Variants in BBS1 observed in about 807,000 individuals in gnomAD.
BBS1 encodes the protein Bardet-Biedl syndrome 1.
Under a neutral mutation model 73.9 loss-of-function variants are expected in BBS1, and 60 were observed. The observed-to-expected ratio is 0.81, with a 90% CI of 0.66 to 1.01. The LOEUF (loss-of-function observed/expected upper bound fraction) is 1.01. BBS1 is among the 50% of genes least tolerant of loss of function. BBS1 has a pLI of 0.00. For missense variants in BBS1, 718 were observed against 770.3 expected (o/e 0.93, Z 0.80); for synonymous variants, 283 against 317.4 (o/e 0.89, Z 1.15).
At chr11:66,515,394 G>T in intron 4 of BBS1, 146 bp from the exon 5 acceptor site, 1 of 837,880 alleles carries the variant, frequency 1.2e-6, no homozygotes, top group South Asian at 1.4e-5. Context: ...GATAAAGGAC[G>T]TGAGCTTGGT....
chr11:66,530,489 A>G (rs373749886), intron 14 of BBS1, among the ~76,000 whole-genome samples: 5 of 152,174 alleles, frequency 3.3e-5, no homozygotes, highest in Admixed American at 2.0e-4. Flanking sequence ...TGACCCAACC[A>G]GGTTCTGAGT....
At chr11:66,519,490 C>T in intron 7 of BBS1, 127 bp from the exon 8 acceptor site, 1 of 1,338,784 alleles carries the variant, frequency 7.5e-7, no homozygotes, top group Non-Finnish European at 1.0e-6. Context: ...CTTAAATCTT[C>T]TGTCACATCT....
Position 66,531,665 on chromosome 11 carries a change from C to G in BBS1, c.1618C>G (p.Leu540Val). 2 of 1,614,136 alleles carry G rather than the reference C, an allele frequency of 1.2e-6. No homozygotes were observed. Among genetic ancestry groups the G allele is most frequent in the Non-Finnish European group, 1.7e-6 (2 of 1,180,018 alleles). ...TTGTCCCCAAACTTAGGTACCCTTG[C>G]TGGTGCCAGGGCTCAACTACCCCCT... ...LPRAFFKVPL[L>V]VPGLNYPLET... The change falls in exon 16 of 17, where the codon CTG (leucine) becomes GTG (valine). Residue 540 changes from leucine (L) to valine (V), a missense_variant. Transcript: ENST00000318312.
intron 11 of BBS1, among the ~76,000 whole-genome samples, chr11:66,524,746 A>T (rs1170063262): frequency 6.6e-6 from 1 of 152,184 alleles, no homozygotes; most frequent in African/African-American, 2.4e-5. Flanking sequence ...CAACATTTTT[A>T]AAAATAGAAT....
intron 13 of BBS1, chr11:66,527,140 A>G: frequency 2.3e-6 from 2 of 858,120 alleles, no homozygotes; most frequent in Non-Finnish European, 3.7e-6. Context: ...ACTTTGGCAG[A>G]GGTGGGAGGA....
chr11:66,514,804 G>A, intron 4 of BBS1, 126 bp downstream of exon 4: 1 of 1,098,818 alleles, frequency 9.1e-7, no homozygotes, highest in Non-Finnish European at 1.3e-6. Flanking sequence ...ATCTCTGACA[G>A]CAGCAGTGAT....
intron 13 of BBS1, among the ~76,000 whole-genome samples, chr11:66,527,311 GTTCA>G (rs1050415266): frequency 6.6e-6 from 1 of 151,686 alleles, no homozygotes; most frequent in African/African-American, 2.4e-5. Context: ...TTCATCGTTC[GTTCA>G]TTCATTCATT....
intron 3 of BBS1, among the ~76,000 whole-genome samples, chr11:66,512,032 G>A (rs112582037): frequency 2.4e-4 from 34 of 144,176 alleles, no homozygotes; most frequent in Non-Finnish European, 3.6e-4. Context: ...GTATATATAT[G>A]TATATATATG....
At chr11:66,521,670 C>A in intron 9 of BBS1, 1 of 386,144 alleles carries the variant, frequency 2.6e-6, no homozygotes, top group South Asian at 2.2e-5. Flanking sequence ...CTTTGGGAGG[C>A]CGAGGCAAGC....
chr11:66,526,081 TC>T, intron 11 of BBS1, 41 bp from the exon 12 acceptor site: 1 of 1,601,870 alleles, frequency 6.2e-7, no homozygotes, highest in Non-Finnish European at 8.6e-7. Flanking sequence ...TGCTTTCCTC[TC>T]CAAGATATTT....
At chr11:66,529,988 G>A (rs776877238) in intron 14 of BBS1, 36 bp downstream of exon 14, 17 of 1,581,866 alleles carry the variant, frequency 1.1e-5, no homozygotes, top group Middle Eastern at 3.3e-4. Flanking sequence ...CAGGGCCAGA[G>A]GGGCAGAGGC....
chr11:66,511,342 C>CAT lies in BBS1; in HGVS notation c.159+107_159+108dup, dbSNP rs1424852269. On this transcript the variant is annotated intron_variant, in intron 3 of 16. Transcript: ENST00000318312. ...TAGGCCCAGCATACTCTGGAATTCA[C>CAT]ATATACTGTGAAAAAGCACATTTAG... 3 of 1,375,218 alleles carry CAT rather than the reference C, an allele frequency of 2.2e-6. No homozygotes were observed. The Admixed American group carries it at 6.9e-5, about 32-fold the overall frequency. The allele number at this position is 1,375,218 out of a possible 1,614,324, so 85.2% of individuals were successfully genotyped here.
chr11:66,514,649 G>C lies in BBS1; in HGVS notation c.403G>C (p.Glu135Gln), dbSNP rs756740889. 2 of 1,612,908 alleles carry C rather than the reference G, an allele frequency of 1.2e-6. No individual in the cohort carries two copies. The highest frequency in any genetic ancestry group is 1.7e-6 in the Non-Finnish European group (2 of 1,180,022). ...GCCCCAATTGCCTCCAAATCCTCTG[G>C]AACAAGACCTTTGGAACCAGGCCAA... ...SLPQLPPNPL[E>Q]QDLWNQAKED... is the part of the protein sequence containing the mutation. Residue 135 changes from glutamate to glutamine, a missense_variant, in exon 4 of 17, where the codon GAA becomes CAA. By Grantham distance (29) the Glu-to-Gln change is conservative. Coordinates refer to ENST00000318312, the MANE Select transcript of BBS1 (RefSeq NM_024649.5).
intron 15 of BBS1, among the ~76,000 whole-genome samples, chr11:66,531,257 A>G (rs112490787): frequency 2.0e-5 from 3 of 152,282 alleles, no homozygotes; most frequent in African/African-American, 7.2e-5. Flanking sequence ...AGGGGTCTCC[A>G]CGAGCCATAC....
At chr11:66,529,337 A>T in intron 13 of BBS1, 3 of 1,534,750 alleles carry the variant, frequency 2.0e-6, no homozygotes. Flanking sequence ...CGCAGCATTG[A>T]GCCTGAGGTG....
At chr11:66,517,993 T>G (rs1856091184) in intron 7 of BBS1, among the ~76,000 whole-genome samples, 1 of 151,062 alleles carries the variant, frequency 6.6e-6, no homozygotes, top group Non-Finnish European at 1.5e-5. Flanking sequence ...GTTTTGCTCT[T>G]GTTGCCCAGG....
At position 66,526,943 on chromosome 11, in the gene BBS1, A is replaced by C. The variant is rs1590773458; in HGVS notation, c.1339+136A>C. ...ACTAGGTAGGTCACTCACCTCTGCA[A>C]ATCCAGGGACAGCCTAGGAGGTACA... On this transcript the variant is annotated intron_variant, in intron 13 of 16. Transcript: ENST00000318312. 36 of 1,588,632 alleles carry C rather than the reference A, an allele frequency of 2.3e-5. No homozygotes were observed. In the East Asian group the frequency reaches 8.2e-4, roughly 36 times the overall value.
chr11:66,523,735 G>A lies in BBS1; in HGVS notation c.963G>A (p.Leu321=), dbSNP rs1856354474. The A allele has an allele frequency of 6.2e-7, 1 of 1,611,574 alleles. No individual in the cohort carries two copies. Among genetic ancestry groups the A allele is most frequent in the African/African-American group, 1.3e-5 (1 of 74,942 alleles). Residue 321 remains leucine, a synonymous_variant, in exon 11 of 17, where the codon CTG becomes CTA. Coordinates refer to ENST00000318312, the MANE Select transcript of BBS1 (RefSeq NM_024649.5). ...CTGTTCCCTGCCAGGGGAAGAAGCT[G>A]TGGACAGTGCAGATGCCCGCAGCCA... ...LHGFTHKGKK[L]WTVQMPAAIL...
chr11:66,528,454 T>TA (rs978774579), intron 13 of BBS1, among the ~76,000 whole-genome samples: 1 of 152,150 alleles, frequency 6.6e-6, no homozygotes, highest in African/African-American at 2.4e-5. Context: ...TGAGGGGACT[T>TA]ACCCTATCAG....
Sources: gnomAD v4.1 joint callset for allele counts (sites outside exome capture counted in the v4.1 genomes callset) on GRCh38, gnomAD v4.1.1 for gene constraint, MANE v1.5 for transcripts, NCBI Gene and HGNC (gene_info 2026-07-23, HGNC 2026-07-21) for gene names.